The following DAB1 variants were observed in gnomAD, a reference collection of about 807,000 sequenced individuals.
The protein encoded by DAB1 is DAB adaptor protein 1.
A neutral mutation model predicts 64.6 loss-of-function variants in DAB1; 15 were observed. The observed-to-expected ratio is 0.23, with a 90% confidence interval of 0.16 to 0.36. DAB1 has a LOEUF of 0.36. Among genes scored for constraint, DAB1 ranks in the 10% least tolerant of loss-of-function variants. The pLI is 1.00. For synonymous variants in DAB1, 235 were observed against 251.9 expected (o/e 0.93, Z 0.64); for missense variants, 596 against 706.7 (o/e 0.84, Z 1.78).
chr1:57,119,187 C>T (rs1271764643), intron 4 of DAB1, among the ~76,000 whole-genome samples: 2 of 152,150 alleles, frequency 1.3e-5, no homozygotes, highest in East Asian at 3.9e-4. Flanking sequence ...TCTTCCAGCA[C>T]CAAAACTTGC....
At chr1:57,578,938 A>G (rs1437165807) in intron 7 of DAB1, among the ~76,000 whole-genome samples, 1 of 152,236 alleles carries the variant, frequency 6.6e-6, no homozygotes, top group African/African-American at 2.4e-5. Context: ...GAATACATGA[A>G]TAATTTGCTA....
intron 1 of DAB1, among the ~76,000 whole-genome samples, chr1:57,418,584 C>G (rs1295888359): frequency 6.6e-6 from 1 of 152,118 alleles, no homozygotes; most frequent in Non-Finnish European, 1.5e-5. Context: ...GGACCCATCC[C>G]CTTATTTTTA....
At chr1:57,791,555 C>G (rs1650599864) in intron 6 of DAB1, among the ~76,000 whole-genome samples, 2 of 152,294 alleles carry the variant, frequency 1.3e-5, no homozygotes, top group South Asian at 4.1e-4. Context: ...GGTTATTTAA[C>G]ATCTCTAACC....
intron 5 of DAB1, among the ~76,000 whole-genome samples, chr1:57,936,425 T>A (rs1422241102): frequency 6.6e-6 from 1 of 152,210 alleles, no homozygotes; most frequent in Non-Finnish European, 1.5e-5. Context: ...AGAGTCTTGC[T>A]CCATCATCCA....
chr1:57,715,814 G>T (rs1009220950), intron 6 of DAB1, among the ~76,000 whole-genome samples: 1 of 152,132 alleles, frequency 6.6e-6, no homozygotes, highest in Non-Finnish European at 1.5e-5. Flanking sequence ...GATAGGCCAC[G>T]TTCATGAATT....
At chr1:57,821,237 TA>T (rs1279003858), downstream of DAB1, among the ~76,000 whole-genome samples, 7 of 152,208 alleles carry the variant, frequency 4.6e-5, no homozygotes, top group African/African-American at 1.4e-4. Context: ...TTTCAGCACC[TA>T]ATGATGCAGC....
At chr1:58,110,915 C>A (rs1651931629) in intron 5 of DAB1, among the ~76,000 whole-genome samples, 1 of 152,176 alleles carries the variant, frequency 6.6e-6, no homozygotes, top group Non-Finnish European at 1.5e-5. Flanking sequence ...CAGACTGTTG[C>A]ATTTCTCACA....
chr1:57,413,451 A>G (rs543927310), intron 1 of DAB1, among the ~76,000 whole-genome samples: 1 of 152,302 alleles, frequency 6.6e-6, no homozygotes, highest in South Asian at 2.1e-4. Context: ...TAAAGAATTC[A>G]TCATTCGTGG....
At chr1:57,727,524 T>C (rs536948642) in intron 6 of DAB1, among the ~76,000 whole-genome samples, 1 of 152,336 alleles carries the variant, frequency 6.6e-6, no homozygotes, top group African/African-American at 2.4e-5. Context: ...AACGTGATCA[T>C]GATGAATGGG....
At chr1:58,513,633 G>T (rs1378594221) in intron 2 of DAB1, among the ~76,000 whole-genome samples, 1 of 152,120 alleles carries the variant, frequency 6.6e-6, no homozygotes, top group Non-Finnish European at 1.5e-5. Context: ...CTAAGATAAT[G>T]GAGAGACTAC....
intron 1 of DAB1, among the ~76,000 whole-genome samples, chr1:57,872,955 C>A (rs1055712613): frequency 6.6e-6 from 1 of 152,100 alleles, no homozygotes; most frequent in Non-Finnish European, 1.5e-5. Flanking sequence ...TTCTGGGAGA[C>A]TAGGTCTGGA....
At chr1:57,330,387 G>A (rs1329877844) in intron 1 of DAB1, among the ~76,000 whole-genome samples, 1 of 152,206 alleles carries the variant, frequency 6.6e-6, no homozygotes, top group Non-Finnish European at 1.5e-5. Context: ...CCATGCAGCA[G>A]AACACACAGG....
chr1:58,019,525 A>T (rs1427556703), intron 5 of DAB1, among the ~76,000 whole-genome samples: 1 of 152,214 alleles, frequency 6.6e-6, no homozygotes, highest in Non-Finnish European at 1.5e-5. Flanking sequence ...AATAAGCTAG[A>T]CACTATCCTA....
chr1:58,443,287 A>G (rs1645032801), intron 3 of DAB1, among the ~76,000 whole-genome samples: 1 of 152,258 alleles, frequency 6.6e-6, no homozygotes, highest in African/African-American at 2.4e-5. Flanking sequence ...AGCCTCTCAC[A>G]GTACAGGAGG....
At chr1:58,498,054 C>T (rs186355326) in intron 3 of DAB1, among the ~76,000 whole-genome samples, 1 of 152,014 alleles carries the variant, frequency 6.6e-6, no homozygotes. Flanking sequence ...CTATAAGGCC[C>T]TGATATCTGG....
Position 57,439,418 on chromosome 1 carries a change from G to GTTTTTTTTTTTTTTTTTTTTTTGTTTTT in DAB1, n.626-148253_626-148252insAAAAACAAAAAAAAAAAAAAAAAAAAAA. ...GCCATGCCATCAACTTGGTGATGAG[G>GTTTTTTTTTTTTTTTTTTTTTTGTTTTT]TTTTTTCTTTTTTTTTTTTTTTTTT... On this transcript the variant is annotated intron_variant and non_coding_transcript_variant, in intron 7 of 20. Coordinates refer to the DAB1 transcript ENST00000485760. Among the ~76,000 whole-genome samples, 10 of 116,166 alleles carry GTTTTTTTTTTTTTTTTTTTTTTGTTTTT rather than the reference G, an allele frequency of 8.6e-5. 1 individual carries two copies. Among genetic ancestry groups the GTTTTTTTTTTTTTTTTTTTTTTGTTTTT allele is most frequent in the South Asian group, 3.2e-4 (1 of 3,090 alleles). 76.2% of individuals were successfully genotyped at this position (116,166 alleles called of 152,430 possible).
intron 5 of DAB1, among the ~76,000 whole-genome samples, chr1:57,937,515 A>G (rs891216291): frequency 3.9e-5 from 6 of 152,106 alleles, no homozygotes; most frequent in African/African-American, 1.4e-4. Flanking sequence ...AAGGGAGGCA[A>G]GTGGGGATAC....
intron 5 of DAB1, among the ~76,000 whole-genome samples, chr1:58,075,499 G>C (rs1375641159): frequency 2.0e-5 from 3 of 152,198 alleles, no homozygotes; most frequent in Admixed American, 6.5e-5. Context: ...CTTTGAGTGA[G>C]GATGATAAGG....
At chr1:58,347,362 C>T (rs1328487249) in intron 3 of DAB1, among the ~76,000 whole-genome samples, 2 of 152,206 alleles carry the variant, frequency 1.3e-5, no homozygotes, top group Non-Finnish European at 2.9e-5. Flanking sequence ...CCCGCCTCAG[C>T]TTCCCAAAGT....
Sources: allele counts gnomAD v4.1 joint callset (sites outside exome capture counted in the v4.1 genomes callset), GRCh38; gene constraint gnomAD v4.1.1; transcripts MANE v1.5; gene names NCBI Gene and HGNC (gene_info 2026-07-23, HGNC 2026-07-21).